TKT: variants seen among roughly 807,000 people sequenced by gnomAD.
The protein encoded by TKT is transketolase.
In TKT, 47 loss-of-function variants were observed where a neutral mutation model predicts 63.9. That is an observed-to-expected ratio of 0.74 (90% confidence interval 0.58 to 0.94). The LOEUF (loss-of-function observed/expected upper bound fraction) is 0.94, where lower values mean the gene tolerates loss of function less well. TKT is among the 40% of genes least tolerant of loss of function. The pLI is 0.00. For missense variants in TKT, 721 were observed against 846.2 expected (o/e 0.85, Z 1.84); for synonymous variants, 338 against 334.1 (o/e 1.01, Z -0.13).
At chr3:53,239,127 T>C (rs1300859347) in intron 4 of TKT, among the ~76,000 whole-genome samples, 7 of 152,118 alleles carry the variant, frequency 4.6e-5, no homozygotes, top group African/African-American at 1.7e-4. Context: ...AACTCTCTCT[T>C]TGCCTGCGCC....
intron 4 of TKT, among the ~76,000 whole-genome samples, chr3:53,238,598 A>G (rs1705135624): frequency 6.6e-6 from 1 of 152,172 alleles, no homozygotes; most frequent in Admixed American, 6.5e-5. Flanking sequence ...AGGGCAGTGG[A>G]GATGCCATCA....
At chr3:53,227,930 A>G in intron 12 of TKT, 126 bp downstream of exon 12, 1 of 792,552 alleles carries the variant, frequency 1.3e-6, no homozygotes, top group Non-Finnish European at 2.0e-6. Context: ...TTATTTAATG[A>G]AATGAAATGC....
intron 6 of TKT, chr3:53,232,020 A>G (rs1704787026): frequency 3.5e-6 from 1 of 281,744 alleles, no homozygotes; most frequent in Non-Finnish European, 6.6e-6. Context: ...GGGTCACCCA[A>G]TGCATCTGTG....
At chr3:53,242,774 G>A (rs1389229490) in intron 1 of TKT, among the ~76,000 whole-genome samples, 3 of 152,144 alleles carry the variant, frequency 2.0e-5, no homozygotes, top group African/African-American at 7.2e-5. Context: ...GCACCCAGGG[G>A]TGCTGGGCCT....
At position 53,226,796 on chromosome 3, in the gene TKT, G is replaced by C. The variant is rs1016574015; in HGVS notation, c.1656C>G (p.Thr552=). 32 of 1,614,098 alleles carry C rather than the reference G, an allele frequency of 2.0e-5. No homozygotes were observed. Among genetic ancestry groups the C allele is most frequent in the Non-Finnish European group, 2.5e-5 (30 of 1,180,034 alleles). The change falls in exon 13 of 14, where the codon ACC becomes ACG. Residue 552 remains threonine (T), a synonymous_variant. Coordinates refer to ENST00000462138, the MANE Select transcript of TKT (RefSeq NM_001064.4). ...RKLILDSARA[T]KGRILTVEDH... is the part of the protein sequence containing the mutation. The stretch of plus-strand genomic sequence containing the variant: ...CCTCCACGGTGAGGATCCTGCCCTT[G>C]GTGGCACGAGCGCTGTCGAGAATGA...
intron 1 of TKT, among the ~76,000 whole-genome samples, chr3:53,253,633 G>T (rs1237668916): frequency 6.6e-6 from 1 of 152,194 alleles, no homozygotes; most frequent in Non-Finnish European, 1.5e-5. Flanking sequence ...GTGCGGTGGC[G>T]GATGCCTGTA....
chr3:53,252,872 T>C (rs934307243), intron 1 of TKT, among the ~76,000 whole-genome samples: 26 of 151,604 alleles, frequency 1.7e-4, no homozygotes, highest in Non-Finnish European at 2.8e-4. Flanking sequence ...GAAGTTTCAA[T>C]TTTGTTGCCC....
At chr3:53,239,643 CT>C (rs782374244) in intron 4 of TKT, among the ~76,000 whole-genome samples, 1 of 152,118 alleles carries the variant, frequency 6.6e-6, no homozygotes, top group Non-Finnish European at 1.5e-5. Context: ...TAGAACCTTC[CT>C]GGGGGGCCGT....
intron 7 of TKT, 148 bp from the exon 8 acceptor site, chr3:53,230,769 G>A (rs1251382868): frequency 1.3e-5 from 13 of 981,474 alleles, no homozygotes; most frequent in Non-Finnish European, 1.6e-5. Flanking sequence ...TTTAACTGCT[G>A]AAAGGTTGCC....
chr3:53,255,792 C>A, intron 1 of TKT, 44 bp downstream of exon 1: 1 of 1,343,040 alleles, frequency 7.4e-7, no homozygotes, highest in Non-Finnish European at 9.7e-7. Flanking sequence ...CAGACGCCCC[C>A]CGCCCCGCCC....
In TKT at chr3:53,231,438, G is replaced by A. The variant is rs782201213; in HGVS notation, c.861C>T (p.Thr287=). 2 of 1,614,076 alleles carry A rather than the reference G, an allele frequency of 1.2e-6. No homozygotes were observed. The highest frequency in any genetic ancestry group is 2.7e-5 in the African/African-American group (2 of 74,934). The change falls in exon 7 of 14, where the codon ACC becomes ACT. Residue 287 remains threonine, a synonymous_variant. Coordinates refer to ENST00000462138, the MANE Select transcript of TKT (RefSeq NM_001064.4). ...QIQSKKKILA[T]PPQEDAPSVD... The stretch of plus-strand genomic sequence containing the variant: ...CTGAGGGTGCGTCCTCCTGTGGAGG[G>A]GTTGCCAGGATCTTCTTTTTGCTCT...
intron 1 of TKT, among the ~76,000 whole-genome samples, chr3:53,249,220 T>A (rs1435757285): frequency 1.4e-5 from 2 of 147,120 alleles, no homozygotes; most frequent in Admixed American, 1.4e-4. Context: ...TCCACCCACC[T>A]TGGCCTCCCA....
Position 53,250,343 on chromosome 3 carries a change from A to G in TKT, c.107+5493T>C, listed in dbSNP as rs1463374221. Among the ~76,000 whole-genome samples, 3 of 152,190 alleles carry G rather than the reference A, an allele frequency of 2.0e-5. 1 individual carries two copies. The highest frequency in any genetic ancestry group is 7.2e-5 in the African/African-American group (3 of 41,440). Reference sequence around the variant, plus strand: ...ATGTCAGAGCTGGGTAAACTGGGATACAACCCCAGCCACTTTAAGGGCACA... The same window carrying G: ...ATGTCAGAGCTGGGTAAACTGGGATGCAACCCCAGCCACTTTAAGGGCACA... On this transcript the variant is annotated intron_variant, in intron 1 of 13. Transcript: ENST00000462138.
At chr3:53,234,776 C>T (rs1250699849) in intron 5 of TKT, 2 of 468,860 alleles carry the variant, frequency 4.3e-6, no homozygotes, top group Non-Finnish European at 7.3e-6. Context: ...CAAGGAAACT[C>T]ACTTAAAACT....
At chr3:53,241,043 C>T (rs1221828624) in intron 3 of TKT, 89 bp downstream of exon 3, 4 of 1,163,946 alleles carry the variant, frequency 3.4e-6, no homozygotes, top group Non-Finnish European at 4.7e-6. Context: ...CCTTTGGCTT[C>T]TCAGTGGGCA....
intron 1 of TKT, among the ~76,000 whole-genome samples, chr3:53,248,501 G>A (rs1379968578): frequency 6.6e-6 from 1 of 152,110 alleles, no homozygotes; most frequent in Non-Finnish European, 1.5e-5. Context: ...GTGTATGGTG[G>A]TGAGTGCCTC....
rs1553679782 is a variant in TKT, at chr3:53,241,188, C to T, written c.283G>A (p.Ala95Thr). Residue 95 changes from alanine (A) to threonine (T), a missense_variant, in exon 3 of 14, where the codon GCG becomes ACG. Physicochemically the swap from Ala to Thr is moderately conservative, Grantham distance 58. Coordinates refer to ENST00000462138, the MANE Select transcript of TKT (RefSeq NM_001064.4). ...VWAEAGFLAE[A>T]ELLNLRKISS... ...ATCTTCCTCAGGTTCAGCAGCTCCG[C>T]CTCGGCCAGGAAACCAGCTTCAGCC... 7 of 1,597,828 alleles carry T rather than the reference C, an allele frequency of 4.4e-6. No homozygotes were observed. Among genetic ancestry groups the T allele is most frequent in the Non-Finnish European group, 6.0e-6 (7 of 1,173,964 alleles).
At chr3:53,254,544 G>T (rs1400922571) in intron 1 of TKT, among the ~76,000 whole-genome samples, 5 of 152,164 alleles carry the variant, frequency 3.3e-5, no homozygotes, top group African/African-American at 1.2e-4. Flanking sequence ...AATGAAATTG[G>T]CCAGAAGCCA....
intron 1 of TKT, among the ~76,000 whole-genome samples, chr3:53,246,275 A>C (rs535272260): frequency 5.3e-5 from 8 of 152,228 alleles, no homozygotes; most frequent in African/African-American, 9.6e-5. Context: ...CTCAGGAAAA[A>C]AACAACAACA....
Sources: allele counts gnomAD v4.1 joint callset (sites outside exome capture counted in the v4.1 genomes callset), GRCh38; gene constraint gnomAD v4.1.1; transcripts MANE v1.5; gene names NCBI Gene and HGNC (gene_info 2026-07-23, HGNC 2026-07-21).